The following RELN variants were observed in gnomAD, a reference collection of about 807,000 sequenced individuals.
The protein encoded by RELN is reelin.
RELN carries 108 observed loss-of-function variants against 427.6 expected under a neutral mutation model. The ratio of observed to expected loss-of-function variants is 0.25; its 90% CI spans 0.22 to 0.30. RELN has a LOEUF of 0.30. Among genes scored for constraint, RELN ranks in the 10% least tolerant of loss-of-function variants. The pLI is 1.00. For missense variants in RELN, 3,715 were observed against 4,302.8 expected (o/e 0.86, Z 3.82); for synonymous variants, 1,524 against 1,513.4 (o/e 1.01, Z -0.16).
chr7:103,516,759 C>T (rs1584256991), intron 49 of RELN, among the ~76,000 whole-genome samples: 2 of 152,248 alleles, frequency 1.3e-5, no homozygotes, highest in Middle Eastern at 3.4e-3. Flanking sequence ...TTGTCTTTCA[C>T]ATTAAAGAGA....
chr7:103,596,396 A>T, intron 25 of RELN, 60 bp downstream of exon 25: 5 of 1,441,632 alleles, frequency 3.5e-6, no homozygotes, highest in African/African-American at 1.4e-5. Flanking sequence ...ACACATCAAC[A>T]ATGATTTAAC....
intron 3 of RELN, among the ~76,000 whole-genome samples, chr7:103,818,111 G>A (rs1792924853): frequency 6.6e-6 from 1 of 151,702 alleles, no homozygotes; most frequent in African/African-American, 2.4e-5. Context: ...AGAAAAAATG[G>A]GAATTTTATA....
intron 41 of RELN, among the ~76,000 whole-genome samples, chr7:103,548,678 A>C (rs1830350971): frequency 6.6e-6 from 1 of 152,234 alleles, no homozygotes; most frequent in African/African-American, 2.4e-5. Flanking sequence ...TAGGTTCTGT[A>C]CGCTATTATT....
chr7:103,908,915 G>T (rs1009520899), intron 2 of RELN, among the ~76,000 whole-genome samples: 1 of 152,126 alleles, frequency 6.6e-6, no homozygotes, highest in Non-Finnish European at 1.5e-5. Flanking sequence ...GAGTCTTCTT[G>T]TTAATTACAG....
At chr7:103,806,456 C>G (rs1792602276) in intron 3 of RELN, among the ~76,000 whole-genome samples, 1 of 152,086 alleles carries the variant, frequency 6.6e-6, no homozygotes, top group Non-Finnish European at 1.5e-5. Context: ...TCCCAAGTAG[C>G]TGGGATTACA....
At chr7:103,893,203 A>AC (rs1794887179) in intron 2 of RELN, among the ~76,000 whole-genome samples, 1 of 152,016 alleles carries the variant, frequency 6.6e-6, no homozygotes, top group Non-Finnish European at 1.5e-5. Flanking sequence ...GGAGAGCCAG[A>AC]CCCCCCAGAA....
intron 2 of RELN, among the ~76,000 whole-genome samples, chr7:103,835,953 C>G (rs1510847): frequency 0.37 from 54,283 of 146,110 alleles, 10,469 homozygotes; most frequent in Non-Finnish European, 0.42. Flanking sequence ...TCTCAATTAC[C>G]CTTTTTTTTT....
chr7:103,851,760 C>A (rs531389403), intron 2 of RELN, among the ~76,000 whole-genome samples: 68 of 152,324 alleles, frequency 4.5e-4, no homozygotes, highest in African/African-American at 1.6e-3. Context: ...TTGGGGAAGG[C>A]ATTAATTGCT....
At position 103,697,705 on chromosome 7, in the gene RELN, G is replaced by T. The variant is rs1010957267; in HGVS notation, c.1143+148C>A. The T allele has an allele frequency of 4.7e-6, 5 of 1,058,132 alleles. No homozygotes were observed. In the African/African-American group the frequency reaches 6.5e-5, roughly 14 times the overall value. The allele number at this position is 1,058,132 out of a possible 1,614,324, so 65.5% of individuals were successfully genotyped here. Reference sequence around the variant, plus strand: ...ACTAATGACTTTCCATCCTTAAAAGGTAGGGTAATATAAATAAGTATATTA... The same window carrying T: ...ACTAATGACTTTCCATCCTTAAAAGTTAGGGTAATATAAATAAGTATATTA... On this transcript the variant is annotated intron_variant, in intron 10 of 64. Transcript: ENST00000428762.
At chr7:103,944,026 T>C (rs1484970852) in intron 1 of RELN, among the ~76,000 whole-genome samples, 1 of 151,932 alleles carries the variant, frequency 6.6e-6, no homozygotes, top group East Asian at 1.9e-4. Context: ...AGAGATTTGA[T>C]GGCTATAGTA....
chr7:103,495,987 G>A (rs952172967), intron 56 of RELN, 89 bp from the exon 57 acceptor site: 36 of 1,361,898 alleles, frequency 2.6e-5, no homozygotes, highest in Admixed American at 8.5e-5. Context: ...TGAACTGACC[G>A]ATTTATTGTT....
At chr7:103,951,787 C>T (rs1315212544) in intron 1 of RELN, among the ~76,000 whole-genome samples, 2 of 152,178 alleles carry the variant, frequency 1.3e-5, no homozygotes, top group Admixed American at 1.3e-4. Flanking sequence ...ATTCTTGTGC[C>T]TCAGCCTCCC....
At chr7:103,861,967 A>C (rs1403456655) in intron 2 of RELN, among the ~76,000 whole-genome samples, 1 of 152,152 alleles carries the variant, frequency 6.6e-6, no homozygotes. Context: ...GAAGAGAGGA[A>C]GAAATTAAAA....
intron 1 of RELN, among the ~76,000 whole-genome samples, chr7:103,975,816 G>C (rs1563120595): frequency 6.6e-6 from 1 of 151,640 alleles, no homozygotes. Context: ...AAAGTGCTAG[G>C]ATTACAGGCG....
intron 2 of RELN, among the ~76,000 whole-genome samples, chr7:103,853,722 A>T (rs1302864465): frequency 6.6e-6 from 1 of 152,020 alleles, no homozygotes; most frequent in East Asian, 1.9e-4. Flanking sequence ...TCAAATTTAT[A>T]TGTCTCATAA....
At chr7:103,508,792 C>A (rs531019579) in intron 51 of RELN, among the ~76,000 whole-genome samples, 1 of 152,200 alleles carries the variant, frequency 6.6e-6, no homozygotes, top group Admixed American at 6.5e-5. Flanking sequence ...AGCTGATAAG[C>A]AACTTCAGCA....
chr7:103,904,200 G>A (rs1795144183), intron 2 of RELN, among the ~76,000 whole-genome samples: 1 of 151,986 alleles, frequency 6.6e-6, no homozygotes. Context: ...CCTTTTTATG[G>A]CTGCACAGTA....
intron 6 of RELN, among the ~76,000 whole-genome samples, chr7:103,729,248 G>T (rs1377482995): frequency 6.6e-6 from 1 of 152,102 alleles, no homozygotes; most frequent in Non-Finnish European, 1.5e-5. Context: ...AGGGCACTAT[G>T]CCCTTTGTTT....
intron 1 of RELN, among the ~76,000 whole-genome samples, chr7:103,935,204 T>C (rs997853368): frequency 6.6e-6 from 1 of 152,234 alleles, no homozygotes; most frequent in Non-Finnish European, 1.5e-5. Flanking sequence ...CAAATGTGCA[T>C]ATCTTTTGCC....
Sources: allele counts gnomAD v4.1 joint callset (sites outside exome capture counted in the v4.1 genomes callset), GRCh38; gene constraint gnomAD v4.1.1; transcripts MANE v1.5; gene names NCBI Gene and HGNC (gene_info 2026-07-23, HGNC 2026-07-21).